SC5D: variants seen among roughly 807,000 people sequenced by gnomAD.
SC5D encodes the protein lathosterol oxidase.
Under a neutral mutation model 23.9 loss-of-function variants are expected in SC5D, and 21 were observed. That is an observed-to-expected ratio of 0.88 (90% CI 0.62 to 1.26). The LOEUF (loss-of-function observed/expected upper bound fraction) is 1.26. Among genes scored for constraint, SC5D ranks in the 50% most tolerant of loss-of-function variants. SC5D has a pLI of 0.00. For missense variants in SC5D, 309 were observed against 364.8 expected, an observed-to-expected ratio of 0.85 and a Z score of 1.25; for synonymous variants, 113 against 125.9, an observed-to-expected ratio of 0.90 and a Z score of 0.68.
chr11:121,305,892 A>G, intron 3 of SC5D: 1 of 168,742 alleles, frequency 5.9e-6, no homozygotes, highest in South Asian at 1.4e-4. Context: ...AACTTCCAAG[A>G]CAGTGGGAGG....
intron 1 of SC5D, among the ~76,000 whole-genome samples, chr11:121,294,345 C>G (rs999628057): frequency 6.6e-6 from 1 of 152,050 alleles, no homozygotes; most frequent in Non-Finnish European, 1.5e-5. Flanking sequence ...GGTGAAGAGG[C>G]TATAGAACTT....
In SC5D at chr11:121,303,490, A is replaced by C. The variant is rs760519059; in HGVS notation, c.115A>C (p.Asn39His). 2 of 1,613,968 alleles carry C rather than the reference A, an allele frequency of 1.2e-6. No individual in the cohort carries two copies. The highest frequency in any genetic ancestry group is 4.5e-5 in the East Asian group (2 of 44,860). The change falls in exon 2 of 5, where the codon AAT becomes CAT. Residue 39 changes from asparagine to histidine, a missense_variant. Physicochemically the swap from Asn to His is moderately conservative, Grantham distance 68. Coordinates refer to ENST00000264027, the MANE Select transcript of SC5D (RefSeq NM_006918.5). ...AGCTATTAGTCTTCTGATTGTAACA[A>C]ATGTTGGTGCTTACATCCTTTATTT... ...RQAISLLIVT[N>H]VGAYILYFFC...
chr11:121,301,538 G>C (rs549742123), intron 1 of SC5D, among the ~76,000 whole-genome samples: 1 of 152,198 alleles, frequency 6.6e-6, no homozygotes, highest in Admixed American at 6.5e-5. Flanking sequence ...AAGGAGAAGA[G>C]AGAAAGTCAT....
Position 121,307,700 on chromosome 11 carries a change from C to T in SC5D, c.*188C>T, listed in dbSNP as rs972740616. 1 of 542,788 alleles carries T rather than the reference C, an allele frequency of 1.8e-6. No individual in the cohort carries two copies. The highest frequency in any genetic ancestry group is 1.9e-5 in the African/African-American group (1 of 52,648). The allele number at this position is 542,788 out of a possible 1,614,324, so 33.6% of individuals were successfully genotyped here. ...AGGTCAGAAGAAGATGCTGTGAACA[C>T]CAGGACTTTAATCTTATGCTTAAAA... On this transcript the variant is annotated 3_prime_UTR_variant, in exon 5 of 5. Transcript: ENST00000264027.
chr11:121,301,931 A>G (rs1235852476), intron 1 of SC5D, among the ~76,000 whole-genome samples: 2 of 152,302 alleles, frequency 1.3e-5, no homozygotes, highest in African/African-American at 4.8e-5. Context: ...TCCATCTTAC[A>G]TTAACAAACA....
At chr11:121,298,316 G>A (rs1211806726) in intron 1 of SC5D, among the ~76,000 whole-genome samples, 1 of 152,122 alleles carries the variant, frequency 6.6e-6, no homozygotes, top group Non-Finnish European at 1.5e-5. Flanking sequence ...TTTCTCCAAG[G>A]AGTGCTACAC....
At chr11:121,305,710 CAA>C (rs1314687333) in intron 3 of SC5D, 6 of 102,206 alleles carry the variant, frequency 5.9e-5, no homozygotes, top group Admixed American at 2.0e-4. Context: ...GACTCCGTCT[CAA>C]AAAAAAAAAA....
intron 1 of SC5D, among the ~76,000 whole-genome samples, chr11:121,295,192 C>T (rs751607668): frequency 4.6e-5 from 7 of 152,188 alleles, no homozygotes; most frequent in African/African-American, 1.4e-4. Flanking sequence ...AGGATTCACC[C>T]GTGACACAGC....
At position 121,308,365 on chromosome 11, in the gene SC5D, A is replaced by T. The variant is rs369773628; in HGVS notation, c.*853A>T. ...ACTGATTTTTTAGTTAAATTGATGCACTACACTTTTGATGTTTGAAGTTAC... is the reference window on the plus strand; with the variant it reads ...ACTGATTTTTTAGTTAAATTGATGCTCTACACTTTTGATGTTTGAAGTTAC... On this transcript the variant is annotated 3_prime_UTR_variant, in exon 5 of 5. Coordinates refer to ENST00000264027, the MANE Select transcript of SC5D (RefSeq NM_006918.5). The T allele has an allele frequency of 1.4e-4, 22 of 152,334 alleles. No individual in the cohort carries two copies. The highest frequency in any genetic ancestry group is 4.1e-4 in the African/African-American group (17 of 41,578). 9.4% of individuals were successfully genotyped at this position (152,334 alleles called of 1,614,324 possible). A position where few individuals can be genotyped will look rare whatever the true frequency, so the allele number is the denominator to read the frequency against.
chr11:121,306,274 T>C (rs927606605), intron 3 of SC5D, 112 bp from the exon 4 acceptor site: 1 of 706,832 alleles, frequency 1.4e-6, no homozygotes, highest in East Asian at 2.7e-5. Context: ...AACAGATCAT[T>C]TATAATGTTT....
intron 1 of SC5D, among the ~76,000 whole-genome samples, chr11:121,293,409 G>A (rs1947866024): frequency 6.6e-6 from 1 of 152,224 alleles, no homozygotes; most frequent in Admixed American, 6.5e-5. Flanking sequence ...GTCGGTATCA[G>A]AACTCCTGAC....
intron 1 of SC5D, among the ~76,000 whole-genome samples, chr11:121,301,894 A>G (rs1565568336): frequency 6.6e-6 from 1 of 152,114 alleles, no homozygotes; most frequent in Non-Finnish European, 1.5e-5. Flanking sequence ...ATGTTTTGTA[A>G]GGAGGGAGAG....
chr11:121,294,359 A>C (rs1172082301), intron 1 of SC5D, among the ~76,000 whole-genome samples: 2 of 152,142 alleles, frequency 1.3e-5, no homozygotes, highest in East Asian at 3.8e-4. Flanking sequence ...AGAACTTGGC[A>C]GAAGTTCACG....
At chr11:121,302,325 A>G (rs1213264239) in intron 1 of SC5D, among the ~76,000 whole-genome samples, 1 of 152,186 alleles carries the variant, frequency 6.6e-6, no homozygotes, top group Non-Finnish European at 1.5e-5. Context: ...AGTGAGAGAC[A>G]TTTTAGATGC....
Position 121,297,339 on chromosome 11 carries a change from A to G in SC5D, c.-11+4523A>G, listed in dbSNP as rs147524067. Among the ~76,000 whole-genome samples the G allele has an allele frequency of 1.8e-3, 267 of 152,386 alleles. 1 individual carries two copies. Among genetic ancestry groups the G allele is most frequent in the African/African-American group, 6.2e-3 (257 of 41,590 alleles). The stretch of plus-strand genomic sequence containing the variant: ...AGATATGTGTTAAGTAAACACCTAT[A>G]TAACAGTGAATTAGACATAATTCAG... On this transcript the variant is annotated intron_variant, in intron 1 of 4. Transcript: ENST00000264027.
At position 121,311,998 on chromosome 11, in the gene SC5D, A is replaced by G. The variant is rs1006483769; in HGVS notation, c.*4486A>G. Among the ~76,000 whole-genome samples, 2 of 152,348 alleles carry G rather than the reference A, an allele frequency of 1.3e-5. No individual in the cohort carries two copies. Among genetic ancestry groups the G allele is most frequent in the East Asian group, 1.9e-4 (1 of 5,186 alleles). ...GAAAAATCGTATAAGTAAAACTAAC[A>G]TCGTTAACATTATTTACTGTAAGTT... On this transcript the variant is annotated 3_prime_UTR_variant, in exon 5 of 5. Transcript: ENST00000264027.
intron 1 of SC5D, among the ~76,000 whole-genome samples, chr11:121,296,263 G>A (rs533303361): frequency 3.3e-5 from 5 of 152,224 alleles, no homozygotes; most frequent in South Asian, 2.1e-4. Flanking sequence ...TCCTCATAGC[G>A]TGTGAGAGAA....
intron 1 of SC5D, among the ~76,000 whole-genome samples, chr11:121,295,056 CTTAT>C (rs1947879426): frequency 1.3e-5 from 2 of 152,158 alleles, no homozygotes; most frequent in Non-Finnish European, 2.9e-5. Flanking sequence ...TGGCCTATTG[CTTAT>C]ATCTAAGATA....
In SC5D at chr11:121,310,622, G is replaced by A. The variant is rs747694342; in HGVS notation, c.*3110G>A. On this transcript the variant is annotated 3_prime_UTR_variant, in exon 5 of 5. Transcript: ENST00000264027. ...ACAGGTGCCCGCCACCACCACGCCC[G>A]GCTAATTTTTTATATTTTTAGTAGA... Among the ~76,000 whole-genome samples, 16 of 151,890 alleles carry A rather than the reference G, an allele frequency of 1.1e-4. No homozygotes were observed. The highest frequency in any genetic ancestry group is 2.2e-4 in the Non-Finnish European group (15 of 67,958).
Sources: allele counts gnomAD v4.1 joint callset (sites outside exome capture counted in the v4.1 genomes callset), GRCh38; gene constraint gnomAD v4.1.1; transcripts MANE v1.5; gene names NCBI Gene and HGNC (gene_info 2026-07-23, HGNC 2026-07-21).